Variants in MTAP observed in about 807,000 individuals in gnomAD.
MTAP encodes the protein S-methyl-5'-thioadenosine phosphorylase.
In MTAP, 33 loss-of-function variants were observed where a neutral mutation model predicts 33.6. The ratio of observed to expected loss-of-function variants is 0.98; its 90% confidence interval spans 0.74 to 1.31. The LOEUF is 1.31. Ranked by LOEUF, MTAP falls within the 40% of genes most tolerant of loss-of-function variation. MTAP has a pLI of 0.00. For missense variants in MTAP, 367 were observed against 360.0 expected, an observed-to-expected ratio of 1.02 and a Z score of -0.16; for synonymous variants, 148 against 125.7, an observed-to-expected ratio of 1.18 and a Z score of -1.19.
In MTAP at chr9:21,864,130, G is replaced by T. The variant is rs1375616290; in HGVS notation, c.*2116G>T. ...GCATTTTTCTTGCTATGTTCAGAAA[G>T]TACAGTTCTCTCCAACTTGCAGAGG... On this transcript the variant is annotated 3_prime_UTR_variant, in exon 8 of 8. Coordinates refer to ENST00000644715, the MANE Select transcript of MTAP (RefSeq NM_002451.4). The T allele has an allele frequency of 1.0e-6, 1 of 985,294 alleles. No homozygotes were observed. Among genetic ancestry groups the T allele is most frequent in the Non-Finnish European group, 1.2e-6 (1 of 829,940 alleles). The allele number at this position is 985,294 out of a possible 1,614,324, so 61.0% of individuals were successfully genotyped here.
rs1482247372 is a variant in MTAP at position 21,880,977 on chromosome 9, T to C, written c.147+26107T>C. 2.0e-5 allele frequency among the ~76,000 whole-genome samples: 3 copies of C among 151,854 alleles called. No homozygotes were observed. The East Asian group carries it at 5.8e-4, about 29-fold the overall frequency. On this transcript the variant is annotated intron_variant, in intron 1 of 1. Coordinates refer to the MTAP transcript ENST00000577563. Reference sequence around the variant, plus strand: ...AAAACAATCTTGAAAAAGAAAGACATTGGAAGTCTGACAATGCCTGATTTC... The same window carrying C: ...AAAACAATCTTGAAAAAGAAAGACACTGGAAGTCTGACAATGCCTGATTTC...
chr9:21,911,012 C>A (rs967476964), intron 1 of MTAP, among the ~76,000 whole-genome samples: 6 of 152,162 alleles, frequency 3.9e-5, no homozygotes, highest in Non-Finnish European at 7.4e-5. Flanking sequence ...TTTAAACCAA[C>A]AAAGATCAAA....
chr9:21,930,212 A>G (rs147844571), intron 1 of MTAP: 3 of 298,618 alleles, frequency 1.0e-5, no homozygotes, highest in African/African-American at 4.4e-5. Context: ...GCCAAACCCC[A>G]TGTACCCAAG....
At chr9:21,808,469 T>C (rs1824263411) in intron 1 of MTAP, among the ~76,000 whole-genome samples, 1 of 150,426 alleles carries the variant, frequency 6.6e-6, no homozygotes, top group Non-Finnish European at 1.5e-5. Flanking sequence ...TGCACGCTTG[T>C]AGTTCAGCTC....
At position 21,825,524 on chromosome 9, in the gene MTAP, C is replaced by T. The variant is rs147680258; in HGVS notation, c.347+7322C>T. On this transcript the variant is annotated intron_variant, in intron 4 of 7. Coordinates refer to ENST00000644715, the MANE Select transcript of MTAP (RefSeq NM_002451.4). ...TTTGTCACATCCTCATCAACACTTA[C>T]TTTGTTTTGTCATTTTGATAATGGC... Among the ~76,000 whole-genome samples the T allele has an allele frequency of 4.6e-3, 695 of 152,264 alleles. 2 individuals are homozygous for T. Among genetic ancestry groups the T allele is most frequent in the African/African-American group, 0.016 (655 of 41,552 alleles).
intron 6 of MTAP, chr9:21,858,817 CAG>C (rs748833985): frequency 9.4e-4 from 144 of 152,656 alleles, no homozygotes; most frequent in Non-Finnish European, 1.6e-3. Context: ...AGCTTGAACT[CAG>C]GGGTTTAAAC....
chr9:21,854,913 G>C (rs768004624), intron 6 of MTAP, 43 bp downstream of exon 6: 17 of 1,605,956 alleles, frequency 1.1e-5, no homozygotes, highest in Non-Finnish European at 1.4e-5. Flanking sequence ...ATGGGTTTCT[G>C]GGTGCCAATA....
At chr9:21,825,798 A>G (rs10120629) in intron 4 of MTAP, among the ~76,000 whole-genome samples, 165 of 152,264 alleles carry the variant, frequency 1.1e-3, no homozygotes, top group Admixed American at 2.9e-3. Context: ...TCATGAATGC[A>G]CCACTACACT....
intron 1 of MTAP, among the ~76,000 whole-genome samples, chr9:21,878,967 A>G (rs1201986217): frequency 6.6e-6 from 1 of 152,142 alleles, no homozygotes; most frequent in Non-Finnish European, 1.5e-5. Context: ...GGATTGTTTT[A>G]TGTCCAATTA....
At position 21,818,200 on chromosome 9, in the gene MTAP, C is replaced by T. The variant is rs377368150; in HGVS notation, c.345C>T (p.Asp115=). 3.7e-6 allele frequency: 6 copies of T among 1,607,336 alleles called. No homozygotes were observed. Among genetic ancestry groups the T allele is most frequent in the Non-Finnish European group, 5.1e-6 (6 of 1,176,330 alleles). Residue 115 remains aspartate (D), a splice_region_variant and synonymous_variant, in exon 4 of 8, where the codon GAC becomes GAT. Transcript: ENST00000644715. The part of the protein sequence containing the change: ...GDIVIIDQFI[D]RTTMRPQSFY... The stretch of plus-strand genomic sequence containing the variant: ...TTGTCATTATTGATCAGTTCATTGA[C>T]AGGTAAGCAGTCATACAAAATGCTT...
intron 1 of MTAP, among the ~76,000 whole-genome samples, chr9:21,907,256 T>A (rs1818491061): frequency 6.6e-6 from 1 of 152,202 alleles, no homozygotes; most frequent in Non-Finnish European, 1.5e-5. Flanking sequence ...TTAAATAGTT[T>A]GTATATAAGG....
chr9:21,882,324 T>C (rs771513260), intron 1 of MTAP, among the ~76,000 whole-genome samples: 2 of 152,004 alleles, frequency 1.3e-5, no homozygotes, highest in Admixed American at 1.3e-4. Flanking sequence ...ACTTAAAAAT[T>C]GTTAGGATTA....
At chr9:21,821,876 G>C (rs1824650304) in intron 4 of MTAP, among the ~76,000 whole-genome samples, 1 of 152,144 alleles carries the variant, frequency 6.6e-6, no homozygotes, top group East Asian at 1.9e-4. Context: ...GTGTGTCCAG[G>C]AATTTATCCA....
chr9:21,871,170 T>A (rs61431854), downstream of MTAP, among the ~76,000 whole-genome samples: 4,915 of 152,302 alleles, frequency 0.032, 190 homozygotes, highest in African/African-American at 0.09. Context: ...TTCCAGTGAT[T>A]TTGAAGCGGC....
At chr9:21,873,203 T>G (rs1010149567) in intron 1 of MTAP, among the ~76,000 whole-genome samples, 1 of 152,216 alleles carries the variant, frequency 6.6e-6, no homozygotes, top group Non-Finnish European at 1.5e-5. Flanking sequence ...TATTCTATTG[T>G]CTTGGCAGTT....
downstream of MTAP, among the ~76,000 whole-genome samples, chr9:21,871,697 C>A (rs1377570903): frequency 1.3e-5 from 2 of 152,070 alleles, no homozygotes; most frequent in African/African-American, 4.8e-5. Context: ...ACCTCAAATC[C>A]CTTCTTCCCA....
chr9:21,831,365 C>A (rs911587098), intron 4 of MTAP, among the ~76,000 whole-genome samples: 5 of 152,090 alleles, frequency 3.3e-5, no homozygotes, highest in South Asian at 2.1e-4. Flanking sequence ...TAGATAGGAT[C>A]TTTCTCTGTT....
chr9:21,875,785 G>C (rs1490865855), intron 1 of MTAP, among the ~76,000 whole-genome samples: 2 of 152,072 alleles, frequency 1.3e-5, no homozygotes, highest in Non-Finnish European at 2.9e-5. Context: ...TCTTTGTCCA[G>C]TCTGTCATTG....
intron 1 of MTAP, among the ~76,000 whole-genome samples, chr9:21,874,322 T>G (rs1402517096): frequency 5.3e-5 from 8 of 152,196 alleles, no homozygotes; most frequent in Admixed American, 5.2e-4. Context: ...ATGATAAGAA[T>G]AAAAATTTCT....
Sources: gnomAD v4.1 joint callset for allele counts (sites outside exome capture counted in the v4.1 genomes callset) on GRCh38, gnomAD v4.1.1 for gene constraint, MANE v1.5 for transcripts, NCBI Gene and HGNC (gene_info 2026-07-23, HGNC 2026-07-21) for gene names.